The following HIPK2 variants were observed in gnomAD, a reference collection of about 807,000 sequenced individuals.
The protein encoded by HIPK2 is homeodomain-interacting protein kinase 2.
In HIPK2, 27 loss-of-function variants were observed where a neutral mutation model predicts 113.7. The ratio of observed to expected loss-of-function variants is 0.24; its 90% confidence interval spans 0.17 to 0.33. The LOEUF is 0.33. Among genes scored for constraint, HIPK2 ranks in the 10% least tolerant of loss-of-function variants. The probability of loss-of-function intolerance (pLI) is 1.00; values close to 1 mark genes in which losing one functional copy is unlikely to be tolerated. For missense variants in HIPK2, 1,257 were observed against 1,588.0 expected, an observed-to-expected ratio of 0.79 and a Z score of 3.54; for synonymous variants, 631 against 642.2, an observed-to-expected ratio of 0.98 and a Z score of 0.26.
intron 2 of HIPK2, among the ~76,000 whole-genome samples, chr7:139,659,751 T>C (rs1801803135): frequency 1.3e-5 from 1 of 79,758 alleles, no homozygotes; most frequent in African/African-American, 4.5e-5. Flanking sequence ...AGCTGCATTC[T>C]CTCTCTTTTC....
chr7:139,765,214 T>C (rs921697329), intron 1 of HIPK2, among the ~76,000 whole-genome samples: 6 of 152,172 alleles, frequency 3.9e-5, no homozygotes, highest in South Asian at 2.1e-4. Flanking sequence ...TCAAATCCCT[T>C]GACCTAGTAT....
intron 1 of HIPK2, among the ~76,000 whole-genome samples, chr7:139,726,552 G>A (rs1372866930): frequency 6.6e-6 from 1 of 152,206 alleles, no homozygotes; most frequent in Non-Finnish European, 1.5e-5. Flanking sequence ...GGATATCTAC[G>A]TTGAAATGTC....
chr7:139,650,848 T>C (rs1585328229), intron 2 of HIPK2, among the ~76,000 whole-genome samples: 1 of 152,344 alleles, frequency 6.6e-6, no homozygotes, highest in Admixed American at 6.5e-5. Flanking sequence ...GTGACCCACC[T>C]GGGAAGAACA....
chr7:139,579,790 C>T (rs1326820609), intron 13 of HIPK2, among the ~76,000 whole-genome samples: 1 of 152,140 alleles, frequency 6.6e-6, no homozygotes, highest in African/African-American at 2.4e-5. Flanking sequence ...ATTCAGAGGC[C>T]GCAAATCCAA....
intron 2 of HIPK2, among the ~76,000 whole-genome samples, chr7:139,691,661 G>A (rs1794408138): frequency 6.6e-6 from 1 of 152,244 alleles, no homozygotes; most frequent in South Asian, 2.1e-4. Context: ...AGCAAAACCA[G>A]CTGGGATAAG....
chr7:139,604,389 A>G, intron 9 of HIPK2, 166 bp from the exon 10 acceptor site: 6 of 457,724 alleles, frequency 1.3e-5, no homozygotes, highest in Non-Finnish European at 1.7e-5. Context: ...GAGATAAACA[A>G]TGAACATACA....
intron 1 of HIPK2, among the ~76,000 whole-genome samples, chr7:139,744,099 C>T (rs542805565): frequency 5.9e-5 from 9 of 152,234 alleles, no homozygotes; most frequent in African/African-American, 1.9e-4. Context: ...CATATGTCTA[C>T]ACAAAACCAT....
chr7:139,715,237 C>T (rs1585411934), intron 2 of HIPK2, among the ~76,000 whole-genome samples: 1 of 152,284 alleles, frequency 6.6e-6, no homozygotes, highest in East Asian at 1.9e-4. Flanking sequence ...TGACTGAACA[C>T]ACTTCCCTGC....
rs1798271942 is a variant in HIPK2, at chr7:139,571,351, G to A, written c.*1576C>T. 6.6e-6 allele frequency: 1 copy of A among 152,358 alleles called. No homozygotes were observed. Among genetic ancestry groups the A allele is most frequent in the Admixed American group, 6.5e-5 (1 of 15,294 alleles). 9.4% of individuals were successfully genotyped at this position (152,358 alleles called of 1,614,324 possible). A position where few individuals can be genotyped will look rare whatever the true frequency, so the allele number is the denominator to read the frequency against. On this transcript the variant is annotated 3_prime_UTR_variant, in exon 15 of 15. Coordinates refer to ENST00000406875, the MANE Select transcript of HIPK2 (RefSeq NM_022740.5). ...CTGGGGGATGCCGCCTGGGGCGGGA[G>A]ACGGCTGCCTGGCGAGGCCAACAGT...
At position 139,569,797 on chromosome 7, in the gene HIPK2, T is replaced by C. The variant is rs766206608; in HGVS notation, c.*3130A>G. 1.3e-5 allele frequency: 2 copies of C among 152,070 alleles called. No homozygotes were observed. Among genetic ancestry groups the C allele is most frequent in the Non-Finnish European group, 2.9e-5 (2 of 68,014 alleles). The allele number at this position is 152,070 out of a possible 1,614,324, so 9.4% of individuals were successfully genotyped here. Reference sequence around the variant, plus strand: ...TGGATGTCCCTCCAGTCTACTTATATACTCACAGAGAGAATAAGTTTAAAT... The same window carrying C: ...TGGATGTCCCTCCAGTCTACTTATACACTCACAGAGAGAATAAGTTTAAAT... On this transcript the variant is annotated 3_prime_UTR_variant, in exon 15 of 15. Coordinates refer to ENST00000406875, the MANE Select transcript of HIPK2 (RefSeq NM_022740.5).
chr7:139,689,792 C>G (rs1027391384), intron 2 of HIPK2, among the ~76,000 whole-genome samples: 2 of 152,118 alleles, frequency 1.3e-5, no homozygotes, highest in South Asian at 2.1e-4. Context: ...TAACTGGGGT[C>G]TGGAGACTTC....
intron 2 of HIPK2, among the ~76,000 whole-genome samples, chr7:139,643,601 C>T (rs1801105076): frequency 6.6e-6 from 1 of 152,066 alleles, no homozygotes; most frequent in South Asian, 2.1e-4. Context: ...GCATACTGGC[C>T]TCTAAATTTG....
chr7:139,677,205 G>A (rs899339541), intron 2 of HIPK2, among the ~76,000 whole-genome samples: 3 of 151,746 alleles, frequency 2.0e-5, no homozygotes, highest in Non-Finnish European at 4.4e-5. Context: ...ATGTGTGTGT[G>A]TGTGTATGTA....
chr7:139,741,233 G>T (rs1167449329), intron 1 of HIPK2, among the ~76,000 whole-genome samples: 1 of 152,192 alleles, frequency 6.6e-6, no homozygotes, highest in African/African-American at 2.4e-5. Flanking sequence ...GAGAAGAGCA[G>T]AAGTCCTGGA....
At position 139,613,267 on chromosome 7, in the gene HIPK2, C is replaced by T; in HGVS notation, c.2047G>A (p.Val683Ile). Residue 683 changes from valine (V) to isoleucine (I), a missense_variant, in exon 9 of 15, where the codon GTT becomes ATT. Physicochemically the swap from Val to Ile is conservative, Grantham distance 29. Transcript: ENST00000406875. This position sits in a 1 kb window ranked among gnomAD's most constrained non-coding sequence, Gnocchi z 4.2. ...CCTGGGGCTTGAGTGACGATGGGAA[C>T]TGCATTTTCCATTCGCACCGAGTAG... ...AGYSVRMENAVPIVTQAPGAQ... is the reference protein window; with the variant it reads ...AGYSVRMENAIPIVTQAPGAQ... The T allele has an allele frequency of 6.2e-7, 1 of 1,613,798 alleles. No individual in the cohort carries two copies. Among genetic ancestry groups the T allele is most frequent in the Non-Finnish European group, 8.5e-7 (1 of 1,179,824 alleles).
chr7:139,712,995 C>A (rs1359533951), intron 2 of HIPK2, among the ~76,000 whole-genome samples: 1 of 152,142 alleles, frequency 6.6e-6, no homozygotes, highest in Non-Finnish European at 1.5e-5. Context: ...GGGAGGCTGA[C>A]ATGAGGGCCT....
At chr7:139,647,231 C>T (rs1801267102) in intron 2 of HIPK2, among the ~76,000 whole-genome samples, 1 of 151,938 alleles carries the variant, frequency 6.6e-6, no homozygotes, top group Admixed American at 6.6e-5. Flanking sequence ...CAGCACCCAG[C>T]GTACAGCCTT....
At chr7:139,601,352 G>A (rs1002362535) in intron 10 of HIPK2, among the ~76,000 whole-genome samples, 7 of 152,088 alleles carry the variant, frequency 4.6e-5, no homozygotes, top group Non-Finnish European at 1.5e-5. Context: ...ACTCTGTGAC[G>A]TAGGCAGGAT....
chr7:139,718,111 G>A lies in HIPK2; in HGVS notation c.20-1096C>T, dbSNP rs139764527. The stretch of plus-strand genomic sequence containing the variant: ...GATAAACTTAGAAACCTATGAGACC[G>A]TTATTCTGGAACACTTGTACAAATT... On this transcript the variant is annotated intron_variant, in intron 1 of 14. Transcript: ENST00000406875. 2.5e-3 allele frequency among the ~76,000 whole-genome samples: 382 copies of A among 152,232 alleles called. 4 individuals are homozygous for A. The highest frequency in any genetic ancestry group is 7.9e-3 in the African/African-American group (328 of 41,518).
Sources: allele counts gnomAD v4.1 joint callset (sites outside exome capture counted in the v4.1 genomes callset), GRCh38; gene constraint gnomAD v4.1.1; non-coding constraint Gnocchi (gnomAD v3.1); transcripts MANE v1.5; gene names NCBI Gene and HGNC (gene_info 2026-07-23, HGNC 2026-07-21).